The following LRMDA variants were observed in gnomAD, a reference collection of about 807,000 sequenced individuals.
The protein encoded by LRMDA is leucine rich melanocyte differentiation associated, also known as leucine-rich melanocyte differentiation-associated protein.
LRMDA carries 18 observed loss-of-function variants against 29.8 expected under a neutral mutation model. The ratio of observed to expected loss-of-function variants is 0.60; its 90% CI spans 0.42 to 0.90. LRMDA has a LOEUF of 0.90. Among genes scored for constraint, LRMDA ranks in the 40% least tolerant of loss-of-function variants. The pLI, the probability that LRMDA is intolerant of heterozygous loss-of-function variation, is 0.00. For synonymous variants in LRMDA, 125 were observed against 109.4 expected (o/e 1.14, Z -0.89); for missense variants, 273 against 273.9 (o/e 1.00, Z 0.02).
chr10:76,113,769 C>T (rs906696277), intron 5 of LRMDA, among the ~76,000 whole-genome samples: 6 of 152,156 alleles, frequency 3.9e-5, no homozygotes, highest in Non-Finnish European at 8.8e-5. Context: ...TGAAAAGTTG[C>T]TCTGGACGTC....
intron 5 of LRMDA, among the ~76,000 whole-genome samples, chr10:76,211,918 T>C (rs1350326784): frequency 2.0e-5 from 3 of 152,170 alleles, no homozygotes; most frequent in African/African-American, 4.8e-5. Context: ...AGAATTGACA[T>C]TGGAGCTCTC....
chr10:76,496,363 TG>T (rs1842879589), intron 6 of LRMDA, among the ~76,000 whole-genome samples: 1 of 76,096 alleles, frequency 1.3e-5, no homozygotes, highest in Admixed American at 1.2e-4. Flanking sequence ...TGCAGTAATC[TG>T]CCTATTGAGA....
At chr10:75,963,128 C>T (rs1846797707) in intron 2 of LRMDA, among the ~76,000 whole-genome samples, 1 of 152,182 alleles carries the variant, frequency 6.6e-6, no homozygotes, top group Non-Finnish European at 1.5e-5. Context: ...ACTTGAATTT[C>T]CTTCAGACTA....
chr10:75,848,368 G>C (rs1844676744), intron 2 of LRMDA, among the ~76,000 whole-genome samples: 1 of 152,182 alleles, frequency 6.6e-6, no homozygotes, highest in Non-Finnish European at 1.5e-5. Context: ...TAGAAACAAA[G>C]TAAAAGTTGG....
intron 5 of LRMDA, among the ~76,000 whole-genome samples, chr10:76,087,687 G>T (rs1849159920): frequency 6.6e-6 from 1 of 152,116 alleles, no homozygotes; most frequent in African/African-American, 2.4e-5. Flanking sequence ...CGTGTCTGTT[G>T]TCCTACTCTG....
At chr10:76,197,862 G>A (rs1232566360) in intron 5 of LRMDA, among the ~76,000 whole-genome samples, 2 of 151,940 alleles carry the variant, frequency 1.3e-5, no homozygotes, top group African/African-American at 2.4e-5. Flanking sequence ...AGAGGCTGCG[G>A]TGAGTCGAGA....
chr10:76,235,201 G>A (rs906771351), intron 5 of LRMDA, among the ~76,000 whole-genome samples: 3 of 152,082 alleles, frequency 2.0e-5, no homozygotes, highest in African/African-American at 7.2e-5. Flanking sequence ...AGAGAGATGG[G>A]GAAACAGTCA....
intron 2 of LRMDA, among the ~76,000 whole-genome samples, chr10:76,002,471 A>G (rs1001119401): frequency 2.6e-5 from 4 of 151,976 alleles, no homozygotes; most frequent in African/African-American, 9.7e-5. Flanking sequence ...CACTTTTAGC[A>G]GTGGTTAGCC....
chr10:75,553,791 G>C (rs1296858642), intron 2 of LRMDA, among the ~76,000 whole-genome samples: 1 of 152,048 alleles, frequency 6.6e-6, no homozygotes, highest in African/African-American at 2.4e-5. Flanking sequence ...TGGGAAGTAG[G>C]CAAGATTTCA....
chr10:75,503,183 TG>T (rs990520784), intron 2 of LRMDA, among the ~76,000 whole-genome samples: 1 of 151,228 alleles, frequency 6.6e-6, no homozygotes, highest in African/African-American at 2.4e-5. Context: ...GTTGATAGCC[TG>T]TTTTTTTTTT....
At chr10:75,982,179 C>G (rs895295057) in intron 2 of LRMDA, among the ~76,000 whole-genome samples, 4 of 152,164 alleles carry the variant, frequency 2.6e-5, no homozygotes, top group African/African-American at 9.7e-5. Flanking sequence ...ATTGAAGACT[C>G]TCTACAAACA....
chr10:75,817,505 A>G (rs1328464974), intron 2 of LRMDA, among the ~76,000 whole-genome samples: 2 of 152,244 alleles, frequency 1.3e-5, no homozygotes, highest in Non-Finnish European at 2.9e-5. Flanking sequence ...GGGGGAAAAT[A>G]TGTGCTAGAA....
intron 2 of LRMDA, among the ~76,000 whole-genome samples, chr10:75,578,963 G>T (rs1250898195): frequency 6.6e-6 from 1 of 152,014 alleles, no homozygotes; most frequent in Non-Finnish European, 1.5e-5. Context: ...AGAGAAAGCA[G>T]GAAAGATCTA....
intron 2 of LRMDA, among the ~76,000 whole-genome samples, chr10:75,552,134 T>C (rs1214221790): frequency 3.9e-5 from 6 of 152,166 alleles, no homozygotes. Flanking sequence ...CTAGAGCTCT[T>C]TCTTTCTGTA....
chr10:76,445,578 T>C (rs1300153554), intron 6 of LRMDA, among the ~76,000 whole-genome samples: 3 of 152,204 alleles, frequency 2.0e-5, no homozygotes, highest in Non-Finnish European at 2.9e-5. Context: ...CCACTGCCCA[T>C]TGGGAAAGCC....
intron 6 of LRMDA, among the ~76,000 whole-genome samples, chr10:76,375,485 G>T (rs888044282): frequency 1.3e-5 from 2 of 152,072 alleles, no homozygotes; most frequent in African/African-American, 2.4e-5. Context: ...GAAAAGTTTT[G>T]CTTATGATGA....
At chr10:76,470,063 A>T (rs1842602764) in intron 6 of LRMDA, among the ~76,000 whole-genome samples, 1 of 152,132 alleles carries the variant, frequency 6.6e-6, no homozygotes, top group Non-Finnish European at 1.5e-5. Context: ...AAATAAAAAA[A>T]CTATCAAGCA....
intron 2 of LRMDA, among the ~76,000 whole-genome samples, chr10:75,784,503 T>A (rs1843438346): frequency 6.6e-6 from 1 of 151,994 alleles, no homozygotes; most frequent in Non-Finnish European, 1.5e-5. Flanking sequence ...ATTGAGATCA[T>A]CCTGGCTAAC....
chr10:76,308,682 T>C (rs890866397), intron 5 of LRMDA, among the ~76,000 whole-genome samples: 7 of 152,180 alleles, frequency 4.6e-5, no homozygotes, highest in Non-Finnish European at 1.0e-4. Flanking sequence ...GGAGAAGCCA[T>C]AGCAAGCACC....
Sources: allele counts gnomAD v4.1 joint callset (sites outside exome capture counted in the v4.1 genomes callset), GRCh38; gene constraint gnomAD v4.1.1; transcripts MANE v1.5; gene names NCBI Gene and HGNC (gene_info 2026-07-23, HGNC 2026-07-21).